Variants in C2orf80 observed in about 807,000 individuals in gnomAD.
C2orf80 encodes chromosome 2 open reading frame 80.
In C2orf80, 28 loss-of-function variants were observed where a neutral mutation model predicts 30.2. That is an observed-to-expected ratio of 0.93 (90% CI 0.69 to 1.27). The LOEUF (loss-of-function observed/expected upper bound fraction) is 1.27, where lower values mean the gene tolerates loss of function less well. Ranked by LOEUF, C2orf80 falls within the 50% of genes most tolerant of loss-of-function variation. The pLI is 0.00. For missense variants in C2orf80, 220 were observed against 231.0 expected (o/e 0.95, Z 0.31); for synonymous variants, 80 against 76.4 (o/e 1.05, Z -0.24).
Position 208,172,092 on chromosome 2 carries a change from C to A in C2orf80, c.367-17G>T, listed in dbSNP as rs535060729. 9.0e-5 allele frequency: 143 copies of A among 1,586,868 alleles called. No individual in the cohort carries two copies. The South Asian group carries it at 1.4e-3, about 15-fold the overall frequency. ...TCGGGGAACCTGAAAGGAAAACAGT[C>A]CTACTTTTAAAATCTGTCCATCATC... On this transcript the variant is annotated splice_polypyrimidine_tract_variant and intron_variant, in intron 6 of 8. Transcript: ENST00000341287.
intron 8 of C2orf80, among the ~76,000 whole-genome samples, chr2:208,166,607 G>A (rs865936549): frequency 1.3e-5 from 2 of 152,026 alleles, no homozygotes; most frequent in Non-Finnish European, 2.9e-5. Context: ...AATTTCTCAT[G>A]AGTGGTGATG....
Position 208,182,980 on chromosome 2 carries a change from A to G in C2orf80, c.191T>C (p.Leu64Pro). 1.2e-6 allele frequency: 2 copies of G among 1,613,870 alleles called. No homozygotes were observed. Among genetic ancestry groups the G allele is most frequent in the African/African-American group, 1.3e-5 (1 of 75,050 alleles). The change falls in exon 4 of 9, where the codon CTG becomes CCG. Residue 64 changes from leucine to proline, a missense_variant. Leu to Pro is a moderately conservative substitution (Grantham distance 98). Transcript: ENST00000341287. ...TTCAACTTACAGTTCCTCCCACTCC[A>G]GCCAAGTTAAGTCTTCTGAGGGATC... The part of the protein sequence containing the change: ...WLDPSEDLTW[L>P]EWEELKIPLH...
At chr2:208,181,157 G>A (rs977792435) in intron 5 of C2orf80, 61 bp downstream of exon 5, 11 of 1,135,816 alleles carry the variant, frequency 9.7e-6, no homozygotes, top group African/African-American at 4.6e-5. Flanking sequence ...ATTCATTACT[G>A]TAAAAATGCT....
intron 6 of C2orf80, among the ~76,000 whole-genome samples, chr2:208,176,218 C>T (rs1696288127): frequency 1.3e-5 from 2 of 152,130 alleles, no homozygotes; most frequent in Admixed American, 6.5e-5. Flanking sequence ...CTCTGTTGCC[C>T]AAGCTGGAGT....
chr2:208,180,968 A>C, intron 5 of C2orf80, 152 bp from the exon 6 acceptor site: 1 of 708,522 alleles, frequency 1.4e-6, no homozygotes, highest in Non-Finnish European at 2.3e-6. Context: ...CAATGGATAA[A>C]TCAGTTTTCC....
At chr2:208,181,335 G>T (rs1475327778) in intron 4 of C2orf80, 30 bp from the exon 5 acceptor site, 3 of 1,434,526 alleles carry the variant, frequency 2.1e-6, no homozygotes, top group East Asian at 2.3e-5. Flanking sequence ...ACAAGTGGAA[G>T]ATTTATTCTT....
chr2:208,185,106 T>TCC (rs60533219), intron 2 of C2orf80, 74 bp from the exon 3 acceptor site: 55 of 965,596 alleles, frequency 5.7e-5, no homozygotes, highest in African/African-American at 4.0e-4. Flanking sequence ...CTTTTTTTTT[T>TCC]CCCATCCCTC....
intron 6 of C2orf80, among the ~76,000 whole-genome samples, chr2:208,179,059 T>G (rs1696465072): frequency 6.6e-6 from 1 of 152,090 alleles, no homozygotes; most frequent in Non-Finnish European, 1.5e-5. Context: ...GCAAACGGCC[T>G]GCAAAAAAGT....
At chr2:208,167,376 G>T (rs928603592) in intron 8 of C2orf80, among the ~76,000 whole-genome samples, 39 of 151,636 alleles carry the variant, frequency 2.6e-4, no homozygotes, top group African/African-American at 9.2e-4. Context: ...ACAAAAATTA[G>T]CCAGGTGTGG....
intron 6 of C2orf80, among the ~76,000 whole-genome samples, chr2:208,172,369 C>T (rs1217118284): frequency 6.6e-6 from 1 of 152,116 alleles, no homozygotes. Context: ...CCTTTTCTGC[C>T]TAGAGGCACC....
intron 8 of C2orf80, among the ~76,000 whole-genome samples, chr2:208,166,840 T>C (rs891662376): frequency 1.3e-5 from 2 of 152,080 alleles, no homozygotes; most frequent in Non-Finnish European, 2.9e-5. Flanking sequence ...TTAGTAGAGA[T>C]GGGGTTTCAC....
intron 8 of C2orf80, among the ~76,000 whole-genome samples, chr2:208,166,657 C>CA (rs1553594570): frequency 5.4e-5 from 8 of 148,810 alleles, no homozygotes; most frequent in Non-Finnish European, 8.9e-5. Flanking sequence ...TGTCCTGACA[C>CA]TTTTTTTTTT....
chr2:208,189,194 C>T (rs542995075), intron 1 of C2orf80, among the ~76,000 whole-genome samples: 44 of 152,324 alleles, frequency 2.9e-4, no homozygotes, highest in Non-Finnish European at 5.7e-4. Flanking sequence ...GAGTAAGGCA[C>T]AGTTAGCATG....
intron 6 of C2orf80, among the ~76,000 whole-genome samples, chr2:208,176,929 A>G (rs1160625302): frequency 4.5e-5 from 3 of 66,412 alleles, no homozygotes; most frequent in African/African-American, 1.7e-4. Flanking sequence ...CTGTATACAT[A>G]TGTATACATA....
intron 8 of C2orf80, among the ~76,000 whole-genome samples, chr2:208,166,587 T>C (rs955970068): frequency 6.6e-6 from 1 of 152,206 alleles, no homozygotes; most frequent in African/African-American, 2.4e-5. Context: ...TTTCCTTTCA[T>C]GATAGCATGA....
At chr2:208,180,458 A>C (rs1206837101) in intron 6 of C2orf80, among the ~76,000 whole-genome samples, 1 of 151,920 alleles carries the variant, frequency 6.6e-6, no homozygotes, top group Non-Finnish European at 1.5e-5. Flanking sequence ...TCAAAAAAAA[A>C]AAACAAAACC....
At chr2:208,186,508 A>T in intron 2 of C2orf80, among the ~76,000 whole-genome samples, 1 of 152,224 alleles carries the variant, frequency 6.6e-6, no homozygotes, top group East Asian at 1.9e-4. Flanking sequence ...GATGTAAAGA[A>T]AAAGGAGATG....
intron 3 of C2orf80, 150 bp from the exon 4 acceptor site, chr2:208,183,197 G>A (rs967060097): frequency 4.7e-4 from 234 of 494,926 alleles, no homozygotes; most frequent in Non-Finnish European, 7.4e-4. Flanking sequence ...CCTGATGCTC[G>A]GCCAGATTTT....
chr2:208,176,960 C>CAG (rs373576927), intron 6 of C2orf80, among the ~76,000 whole-genome samples: 447 of 18,588 alleles, frequency 0.024, 27 homozygotes, highest in Non-Finnish European at 0.042. Flanking sequence ...TATCTGTATA[C>CAG]ATATGTATAC....
Sources: allele counts gnomAD v4.1 joint callset (sites outside exome capture counted in the v4.1 genomes callset), GRCh38; gene constraint gnomAD v4.1.1; transcripts MANE v1.5; gene names NCBI Gene and HGNC (gene_info 2026-07-23, HGNC 2026-07-21).